The following FAM168A variants were observed in gnomAD, a reference collection of about 807,000 sequenced individuals.
FAM168A encodes the protein family with sequence similarity 168 member A, also known as protein FAM168A.
Under a neutral mutation model 28.5 loss-of-function variants are expected in FAM168A, and 3 were observed. The ratio of observed to expected loss-of-function variants is 0.11; its 90% CI spans 0.05 to 0.27. The LOEUF is 0.27. Ranked by LOEUF, FAM168A falls within the 10% of genes least tolerant of loss-of-function variation. The pLI, the probability that FAM168A is intolerant of heterozygous loss-of-function variation, is 1.00. For missense variants in FAM168A, 222 were observed against 311.5 expected (o/e 0.71, Z 2.16); for synonymous variants, 122 against 124.2 (o/e 0.98, Z 0.12).
chr11:73,504,806 A>G (rs982578706), intron 1 of FAM168A, among the ~76,000 whole-genome samples: 3 of 152,254 alleles, frequency 2.0e-5, no homozygotes, highest in South Asian at 2.1e-4. Flanking sequence ...CATACATACC[A>G]TGGAATACTA....
chr11:73,482,184 T>TTC (rs1867976752), intron 1 of FAM168A, among the ~76,000 whole-genome samples: 1 of 131,654 alleles, frequency 7.6e-6, no homozygotes, highest in African/African-American at 3.8e-5. Context: ...CAACAGCCTT[T>TTC]TTTTTTTTTT....
chr11:73,514,013 C>T (rs920881399), intron 1 of FAM168A, among the ~76,000 whole-genome samples: 1 of 151,840 alleles, frequency 6.6e-6, no homozygotes, highest in African/African-American at 2.4e-5. Context: ...GCAAAACCCT[C>T]TCTCTATAAA....
intron 1 of FAM168A, among the ~76,000 whole-genome samples, chr11:73,474,902 C>T (rs962085361): frequency 1.6e-4 from 24 of 152,200 alleles, no homozygotes; most frequent in African/African-American, 5.3e-4. Flanking sequence ...ATCTCTCCAG[C>T]AGCTACTTCC....
intron 1 of FAM168A, among the ~76,000 whole-genome samples, chr11:73,559,926 A>G (rs971111592): frequency 4.6e-5 from 7 of 152,202 alleles, no homozygotes; most frequent in African/African-American, 1.7e-4. Flanking sequence ...GGCAGGAAAA[A>G]AAACAGCACT....
At chr11:73,581,297 A>G (rs1174088216) in intron 1 of FAM168A, among the ~76,000 whole-genome samples, 2 of 152,258 alleles carry the variant, frequency 1.3e-5, no homozygotes, top group African/African-American at 4.8e-5. Flanking sequence ...GTTTACGGAC[A>G]GTATCTTTAA....
intron 1 of FAM168A, among the ~76,000 whole-genome samples, chr11:73,566,592 T>C (rs187108939): frequency 6.6e-6 from 1 of 152,226 alleles, no homozygotes; most frequent in Admixed American, 6.5e-5. Context: ...CCAAATTTGG[T>C]GTTGGGAAGC....
intron 1 of FAM168A, chr11:73,580,607 G>T: frequency 2.1e-6 from 1 of 482,516 alleles, no homozygotes; most frequent in East Asian, 4.8e-5. Flanking sequence ...TAAAAATGCA[G>T]AATTTTGTTT....
intron 1 of FAM168A, among the ~76,000 whole-genome samples, chr11:73,596,987 C>T (rs1944445645): frequency 6.6e-6 from 1 of 152,172 alleles, no homozygotes; most frequent in Admixed American, 6.5e-5. Flanking sequence ...TCAATGAAAG[C>T]AGCCCAGTGA....
At chr11:73,431,325 G>C (rs1333733287) in intron 2 of FAM168A, among the ~76,000 whole-genome samples, 8 of 152,112 alleles carry the variant, frequency 5.3e-5, no homozygotes, top group Non-Finnish European at 1.2e-4. Flanking sequence ...CTGGGCGACA[G>C]AGCAAGACTC....
chr11:73,511,532 G>A (rs111915528), intron 1 of FAM168A, among the ~76,000 whole-genome samples: 18 of 148,396 alleles, frequency 1.2e-4, no homozygotes, highest in African/African-American at 3.7e-4. Context: ...CACCGCGCCC[G>A]GCTGAATTTT....
At chr11:73,494,017 T>A (rs1854813877) in intron 1 of FAM168A, among the ~76,000 whole-genome samples, 1 of 152,176 alleles carries the variant, frequency 6.6e-6, no homozygotes, top group Non-Finnish European at 1.5e-5. Flanking sequence ...GACTATGAGC[T>A]CTGAAAGCAG....
intron 1 of FAM168A, among the ~76,000 whole-genome samples, chr11:73,486,116 T>C (rs1868049804): frequency 1.3e-5 from 2 of 152,254 alleles, no homozygotes; most frequent in African/African-American, 4.8e-5. Flanking sequence ...AATATGGGTA[T>C]GGTTGACTTA....
intron 1 of FAM168A, among the ~76,000 whole-genome samples, chr11:73,540,026 T>TA (rs1371236495): frequency 2.0e-5 from 3 of 152,240 alleles, no homozygotes; most frequent in African/African-American, 7.2e-5. Context: ...AGGATGCAAT[T>TA]ACCAAAATCC....
intron 2 of FAM168A, among the ~76,000 whole-genome samples, chr11:73,447,466 T>A (rs1867339255): frequency 6.7e-6 from 1 of 149,678 alleles, no homozygotes. Context: ...AGTGGGAGGA[T>A]CACTTGAACC....
intron 2 of FAM168A, among the ~76,000 whole-genome samples, chr11:73,448,997 ATG>A (rs1167441684): frequency 2.0e-5 from 3 of 151,230 alleles, no homozygotes; most frequent in Non-Finnish European, 2.9e-5. Context: ...TCTTTTTGAG[ATG>A]GGGTCTTGCT....
intron 2 of FAM168A, among the ~76,000 whole-genome samples, chr11:73,447,557 C>CAAAA: frequency 1.1e-5 from 1 of 89,522 alleles, no homozygotes; most frequent in Non-Finnish European, 2.4e-5. Flanking sequence ...GACCCTGTCT[C>CAAAA]AAAAAAAAAA....
chr11:73,406,539 AAG>A lies in FAM168A; in HGVS notation c.*222_*223del. ...GGATAGAGCTGGAAGGGCAGGGGCT[AAG>A]AGGGGGACAGTTGGGGAGAGGCAGG... On this transcript the variant is annotated 3_prime_UTR_variant, in exon 8 of 8. Coordinates refer to ENST00000356467, the MANE Select transcript of FAM168A (RefSeq NM_015159.3). 6.6e-6 allele frequency: 1 copy of A among 152,670 alleles called. No individual in the cohort carries two copies. The highest frequency in any genetic ancestry group is 2.1e-4 in the South Asian group (1 of 4,824). The allele number at this position is 152,670 out of a possible 1,614,324, so 9.5% of individuals were successfully genotyped here.
chr11:73,471,856 A>G (rs1867818910), intron 1 of FAM168A, among the ~76,000 whole-genome samples: 1 of 152,132 alleles, frequency 6.6e-6, no homozygotes, highest in Admixed American at 6.6e-5. Flanking sequence ...ATGGCAATAA[A>G]AACTGTAAAG....
chr11:73,597,151 T>C (rs1944447261), intron 1 of FAM168A, among the ~76,000 whole-genome samples: 1 of 151,980 alleles, frequency 6.6e-6, no homozygotes, highest in Non-Finnish European at 1.5e-5. Context: ...ATGTGGCCCC[T>C]TCCTGCCAGC....
Sources: allele counts gnomAD v4.1 joint callset (sites outside exome capture counted in the v4.1 genomes callset), GRCh38; gene constraint gnomAD v4.1.1; transcripts MANE v1.5; gene names NCBI Gene and HGNC (gene_info 2026-07-23, HGNC 2026-07-21).